The following PRMT7 variants were observed in gnomAD, a reference collection of about 807,000 sequenced individuals.
The protein encoded by PRMT7 is protein arginine methyltransferase 7, also known as protein arginine N-methyltransferase 7.
In PRMT7, 75 loss-of-function variants were observed where a neutral mutation model predicts 85.4. That is an observed-to-expected ratio of 0.88 (90% CI 0.73 to 1.06). The LOEUF (loss-of-function observed/expected upper bound fraction) is 1.06, where lower values mean the gene tolerates loss of function less well. Among genes scored for constraint, PRMT7 ranks in the 50% least tolerant of loss-of-function variants. The pLI, the probability that PRMT7 is intolerant of heterozygous loss-of-function variation, is 0.00. For missense variants in PRMT7, 868 were observed against 915.2 expected (o/e 0.95, Z 0.67); for synonymous variants, 397 against 359.5 (o/e 1.10, Z -1.18).
At chr16:68,348,237 T>C (rs1381892972) in intron 13 of PRMT7, 105 bp from the exon 14 acceptor site, 1 of 956,436 alleles carries the variant, frequency 1.0e-6, no homozygotes, top group African/African-American at 1.6e-5. Flanking sequence ...CAGAACCATT[T>C]GCCGGAAAAT....
intron 10 of PRMT7, 45 bp from the exon 11 acceptor site, chr16:68,346,100 G>A (rs767598187): frequency 6.2e-7 from 1 of 1,608,662 alleles, no homozygotes; most frequent in Non-Finnish European, 8.5e-7. Context: ...GGAGACCTGT[G>A]GAGGCGCTCA....
rs1010330399 is a variant in PRMT7, at chr16:68,357,352, C to T, written c.*128C>T. On this transcript the variant is annotated 3_prime_UTR_variant, in exon 19 of 19. Coordinates refer to ENST00000441236, the MANE Select transcript of PRMT7 (RefSeq NM_019023.5). ...TCGGCCTCAGGGATGGGAAAGACTG[C>T]GCCGTGTTGCATCTTGTTGCATCTT... 130 of 1,014,230 alleles carry T rather than the reference C, an allele frequency of 1.3e-4. No homozygotes were observed. The highest frequency in any genetic ancestry group is 8.8e-4 in the Admixed American group (31 of 35,330). The allele number at this position is 1,014,230 out of a possible 1,614,324, so 62.8% of individuals were successfully genotyped here. A position where few individuals can be genotyped will look rare whatever the true frequency, so the allele number is the denominator to read the frequency against.
chr16:68,333,678 G>A (rs1447928423), intron 6 of PRMT7, among the ~76,000 whole-genome samples: 1 of 152,070 alleles, frequency 6.6e-6, no homozygotes, highest in African/African-American at 2.4e-5. Context: ...CTGATCTGCA[G>A]GGCAGCCTTG....
intron 9 of PRMT7, among the ~76,000 whole-genome samples, chr16:68,341,335 C>T (rs546584506): frequency 2.0e-5 from 3 of 152,294 alleles, no homozygotes; most frequent in South Asian, 2.1e-4. Context: ...TTAATTGACA[C>T]GAAGCCAGCC....
Position 68,357,057 on chromosome 16 carries a change from G to T in PRMT7, c.1912G>T (p.Gly638Cys), listed in dbSNP as rs1210407098. 3 of 1,605,954 alleles carry T rather than the reference G, an allele frequency of 1.9e-6. No homozygotes were observed. Among genetic ancestry groups the T allele is most frequent in the African/African-American group, 2.7e-5 (2 of 74,734 alleles). The change falls in exon 19 of 19, where the codon GGC becomes TGC. Residue 638 changes from glycine to cysteine, a missense_variant. Physicochemically the swap from Gly to Cys is radical, Grantham distance 159. Transcript: ENST00000441236. ...CTTCCTGCTCTTCTTCCTACAGGGG[G>T]GCTGCTGCTGGAACCCCCACTGCAA... is the stretch of plus-strand genomic sequence containing the variant. ...GLLEPADPEG[G>C]CCWNPHCKQA...
downstream of PRMT7, chr16:68,359,550 C>A (rs2089108615): frequency 6.5e-6 from 1 of 152,776 alleles, no homozygotes; most frequent in South Asian, 2.1e-4. Context: ...CTGCGTGGCC[C>A]CCTCTTGGTC....
At chr16:68,341,752 A>G (rs563081602) in intron 9 of PRMT7, among the ~76,000 whole-genome samples, 4 of 152,170 alleles carry the variant, frequency 2.6e-5, no homozygotes, top group East Asian at 3.9e-4. Flanking sequence ...GAGGGAGTCC[A>G]CTTCTGGGTG....
chr16:68,347,729 G>A (rs906977167), intron 13 of PRMT7, 51 bp downstream of exon 13: 2 of 1,565,450 alleles, frequency 1.3e-6, no homozygotes, highest in African/African-American at 2.7e-5. Context: ...GTGGGGTCTG[G>A]GTTGATGGCT....
In PRMT7 at chr16:68,315,889, G is replaced by A. The variant is rs2044683873; in HGVS notation, c.-83-8G>A. On this transcript the variant is annotated splice_polypyrimidine_tract_variant and splice_region_variant and intron_variant, in intron 2 of 18. Transcript: ENST00000441236. ...TATATACCTCCTGTTTCCTTCTGAT[G>A]TTAATAGATTTCTGACAGTCAGACT... 1.9e-6 allele frequency: 2 copies of A among 1,043,642 alleles called. No homozygotes were observed. Among genetic ancestry groups the A allele is most frequent in the East Asian group, 4.8e-5 (2 of 41,566 alleles). The allele number at this position is 1,043,642 out of a possible 1,614,324, so 64.6% of individuals were successfully genotyped here. A position where few individuals can be genotyped will look rare whatever the true frequency, so the allele number is the denominator to read the frequency against.
Position 68,344,980 on chromosome 16 carries a change from TA to T in PRMT7, c.928-694del, listed in dbSNP as rs200741373. Among the ~76,000 whole-genome samples, 29 of 43,416 alleles carry T rather than the reference TA, an allele frequency of 6.7e-4. 4 individuals carry two copies. Among genetic ancestry groups the T allele is most frequent in the Admixed American group, 1.2e-3 (5 of 4,306 alleles). The allele number at this position is 43,416 out of a possible 152,430, so 28.5% of individuals were successfully genotyped here. Reference sequence around the variant, plus strand: ...CACGGGCATGCACATTTTTTTTTTTTATTGCTAAATCATTTGAAAGTAAGTT... The same window carrying T: ...CACGGGCATGCACATTTTTTTTTTTTTTGCTAAATCATTTGAAAGTAAGTT... On this transcript the variant is annotated intron_variant, in intron 9 of 18. Coordinates refer to ENST00000441236, the MANE Select transcript of PRMT7 (RefSeq NM_019023.5).
At chr16:68,312,230 T>TATATATATATA (rs1555537325) in intron 2 of PRMT7, 54 bp downstream of exon 2, 1 of 65,542 alleles carries the variant, frequency 1.5e-5, no homozygotes, top group East Asian at 6.8e-4. Context: ...TATATATATA[T>TATATATATATA]TTTTTTTTTT....
At chr16:68,348,147 G>A (rs1444973539) in intron 13 of PRMT7, among the ~76,000 whole-genome samples, 195 bp from the exon 14 acceptor site, 9 of 152,128 alleles carry the variant, frequency 5.9e-5, no homozygotes, top group Non-Finnish European at 1.3e-4. Flanking sequence ...TTATCACATT[G>A]TGCTCCTGAT....
Position 68,357,297 on chromosome 16 carries a change from G to A in PRMT7, c.*73G>A. 1 of 1,457,656 alleles carries A rather than the reference G, an allele frequency of 6.9e-7. No individual in the cohort carries two copies. Among genetic ancestry groups the A allele is most frequent in the Non-Finnish European group, 9.3e-7 (1 of 1,075,440 alleles). The allele number at this position is 1,457,656 out of a possible 1,614,324, so 90.3% of individuals were successfully genotyped here. ...TCATGGCTTTCTAGCGGGGAAGGCT[G>A]AAGGCCCTCCTCTCCTCTCTGGGAG... On this transcript the variant is annotated 3_prime_UTR_variant, in exon 19 of 19. Transcript: ENST00000441236.
intron 5 of PRMT7, among the ~76,000 whole-genome samples, chr16:68,326,473 T>C (rs2083130888): frequency 6.6e-6 from 1 of 152,246 alleles, no homozygotes; most frequent in Non-Finnish European, 1.5e-5. Flanking sequence ...CTTGAATTCC[T>C]GATCTCAGGG....
Position 68,346,255 on chromosome 16 carries a change from A to G in PRMT7, c.1166A>G (p.Asp389Gly). The change falls in exon 11 of 19, where the codon GAT (aspartate) becomes GGT (glycine). Residue 389 changes from aspartate to glycine, a missense_variant. Asp to Gly is a moderately conservative substitution (Grantham distance 94). Coordinates refer to ENST00000441236, the MANE Select transcript of PRMT7 (RefSeq NM_019023.5). Reference protein sequence around the residue: ...FGEINDQDRTDRYVQALRTVL... With the variant: ...FGEINDQDRTGRYVQALRTVL... ...GAGATCAATGACCAGGACAGAACTG[A>G]TCGATACGTCCAGGCTCTGAGGACC... 6.2e-7 allele frequency: 1 copy of G among 1,614,210 alleles called. No individual in the cohort carries two copies. The highest frequency in any genetic ancestry group is 8.5e-7 in the Non-Finnish European group (1 of 1,180,036).
intron 5 of PRMT7, among the ~76,000 whole-genome samples, chr16:68,328,859 G>A (rs567006118): frequency 6.6e-6 from 1 of 152,122 alleles, no homozygotes; most frequent in East Asian, 1.9e-4. Context: ...CGGCATCCCC[G>A]CTGTGCCTGG....
intron 5 of PRMT7, among the ~76,000 whole-genome samples, chr16:68,325,135 A>G (rs1176971401): frequency 6.6e-6 from 1 of 151,246 alleles, no homozygotes; most frequent in Non-Finnish European, 1.5e-5. Context: ...AGGCAAGACA[A>G]TTGCTTGAGC....
intron 2 of PRMT7, among the ~76,000 whole-genome samples, chr16:68,312,887 C>T (rs969162291): frequency 2.6e-5 from 4 of 152,128 alleles, no homozygotes; most frequent in East Asian, 1.9e-4. Flanking sequence ...TGCAGTGGCG[C>T]GATCTTGGCT....
chr16:68,340,158 A>G (rs1456953520), intron 9 of PRMT7, among the ~76,000 whole-genome samples, 190 bp downstream of exon 9: 1 of 152,200 alleles, frequency 6.6e-6, no homozygotes, highest in Non-Finnish European at 1.5e-5. Context: ...GGGTGAGCTC[A>G]TGGTGAGCAC....
Sources: gnomAD v4.1 joint callset for allele counts (sites outside exome capture counted in the v4.1 genomes callset) on GRCh38, gnomAD v4.1.1 for gene constraint, MANE v1.5 for transcripts, NCBI Gene and HGNC (gene_info 2026-07-23, HGNC 2026-07-21) for gene names.